The following OPCML variants were observed in gnomAD, a reference collection of about 807,000 sequenced individuals.
The protein encoded by OPCML is opioid-binding protein/cell adhesion molecule.
Under a neutral mutation model 37.8 loss-of-function variants are expected in OPCML, and 13 were observed. That is an observed-to-expected ratio of 0.34 (90% CI 0.22 to 0.55). The LOEUF is 0.55. OPCML is among the 20% of genes least tolerant of loss of function. The probability of loss-of-function intolerance (pLI) is 0.91; values close to 1 mark genes in which losing one functional copy is unlikely to be tolerated. For synonymous variants in OPCML, 176 were observed against 168.8 expected (o/e 1.04, Z -0.33); for missense variants, 341 against 435.6 (o/e 0.78, Z 1.93).
intron 1 of OPCML, among the ~76,000 whole-genome samples, chr11:133,291,289 G>A (rs1172507248): frequency 6.6e-6 from 1 of 152,208 alleles, no homozygotes; most frequent in Non-Finnish European, 1.5e-5. Context: ...TCATGATAAT[G>A]ATCGATGCTT....
intron 1 of OPCML, among the ~76,000 whole-genome samples, chr11:133,350,105 C>A (rs1204790274): frequency 1.3e-5 from 2 of 152,302 alleles, no homozygotes; most frequent in East Asian, 1.9e-4. Context: ...GACTTAATTT[C>A]TTTTTCTCAG....
chr11:132,559,800 C>T (rs1591550987), intron 3 of OPCML, among the ~76,000 whole-genome samples: 1 of 152,158 alleles, frequency 6.6e-6, no homozygotes, highest in East Asian at 1.9e-4. Context: ...CACTCTCGTC[C>T]TTGGCTGCAG....
chr11:133,363,396 G>A (rs144498816), intron 1 of OPCML, among the ~76,000 whole-genome samples: 47 of 152,286 alleles, frequency 3.1e-4, no homozygotes, highest in Non-Finnish European at 5.1e-4. Flanking sequence ...AGTTCCAGAC[G>A]TGACCAAGCC....
intron 1 of OPCML, among the ~76,000 whole-genome samples, chr11:133,050,038 T>A (rs962551059): frequency 1.3e-5 from 2 of 152,242 alleles, no homozygotes. Flanking sequence ...TCTGTGGGCA[T>A]GACTTAACAA....
chr11:133,303,446 C>T (rs1457688779), intron 1 of OPCML, among the ~76,000 whole-genome samples: 2 of 152,214 alleles, frequency 1.3e-5, no homozygotes, highest in Non-Finnish European at 2.9e-5. Context: ...TAGAAGGTTT[C>T]ATGACTGCTA....
rs1281840586 is a variant in OPCML at position 133,100,929 on chromosome 11, T to C, written c.62-157919A>G. ...CAATGTGTTATTTTTATTTTATTTT[T>C]ATTTATTTCTTTTTGAACGGAGTCT... On this transcript the variant is annotated intron_variant, in intron 1 of 7. Coordinates refer to ENST00000524381, the MANE Select transcript of OPCML (RefSeq NM_001012393.5). Among the ~76,000 whole-genome samples, 3 of 152,226 alleles carry C rather than the reference T, an allele frequency of 2.0e-5. No homozygotes were observed. In the East Asian group the frequency reaches 5.8e-4, roughly 29 times the overall value.
chr11:133,236,456 A>G (rs982331681), intron 1 of OPCML, among the ~76,000 whole-genome samples: 3 of 152,152 alleles, frequency 2.0e-5, no homozygotes, highest in African/African-American at 4.8e-5. Context: ...AGAAGGGCCA[A>G]CGACTGCAGT....
intron 1 of OPCML, among the ~76,000 whole-genome samples, chr11:133,166,919 AGT>A (rs1950216045): frequency 6.6e-6 from 1 of 152,176 alleles, no homozygotes; most frequent in South Asian, 2.1e-4. Context: ...CTAGAAGAAA[AGT>A]GTGTGATTAA....
chr11:132,954,724 C>T (rs1214952716), intron 1 of OPCML, among the ~76,000 whole-genome samples: 1 of 152,016 alleles, frequency 6.6e-6, no homozygotes, highest in Non-Finnish European at 1.5e-5. Context: ...GGAGCTGAAG[C>T]CCTGGGTACT....
intron 1 of OPCML, among the ~76,000 whole-genome samples, chr11:133,047,360 G>A (rs536772715): frequency 6.6e-6 from 1 of 152,336 alleles, no homozygotes; most frequent in South Asian, 2.1e-4. Context: ...CTCAGCTGGT[G>A]TAGCCGCGAT....
intron 1 of OPCML, among the ~76,000 whole-genome samples, chr11:133,042,714 C>T (rs1038226898): frequency 5.3e-5 from 8 of 152,160 alleles, no homozygotes; most frequent in Non-Finnish European, 8.8e-5. Flanking sequence ...CAGGGGTAGA[C>T]GCTGGCTGGT....
At chr11:133,339,721 A>G (rs1943821154) in intron 1 of OPCML, among the ~76,000 whole-genome samples, 1 of 152,106 alleles carries the variant, frequency 6.6e-6, no homozygotes, top group Admixed American at 6.6e-5. Context: ...ATAATCACAC[A>G]TCACTGTGTG....
intron 4 of OPCML, among the ~76,000 whole-genome samples, chr11:132,469,721 AGT>A (rs1207824658): frequency 8.3e-5 from 6 of 72,224 alleles, no homozygotes; most frequent in African/African-American, 2.3e-4. Context: ...GAGGGGAGTG[AGT>A]GTGTGTGTAT....
chr11:132,794,444 T>C (rs7942520), intron 2 of OPCML, among the ~76,000 whole-genome samples: 84,177 of 151,978 alleles, frequency 0.55, 23,891 homozygotes, highest in African/African-American at 0.66. Flanking sequence ...AATACCTGGA[T>C]AAATATTTTT....
At chr11:133,342,612 T>C (rs1943898748) in intron 1 of OPCML, among the ~76,000 whole-genome samples, 1 of 152,084 alleles carries the variant, frequency 6.6e-6, no homozygotes, top group African/African-American at 2.4e-5. Flanking sequence ...GGAATATGTG[T>C]GACTAGTGAA....
chr11:132,465,134 C>A (rs928540279), intron 4 of OPCML, among the ~76,000 whole-genome samples: 1 of 152,154 alleles, frequency 6.6e-6, no homozygotes, highest in Non-Finnish European at 1.5e-5. Flanking sequence ...AATGCTCCCC[C>A]TTGTGACAGG....
intron 2 of OPCML, among the ~76,000 whole-genome samples, chr11:132,747,224 C>G (rs546665234): frequency 3.0e-4 from 46 of 152,162 alleles, no homozygotes; most frequent in African/African-American, 1.1e-3. Flanking sequence ...CAGGAAAAAT[C>G]AATACAGGAA....
intron 2 of OPCML, among the ~76,000 whole-genome samples, chr11:132,914,138 G>A (rs1041443227): frequency 4.3e-4 from 66 of 152,192 alleles, no homozygotes; most frequent in African/African-American, 1.5e-3. Context: ...GCAATGTGCT[G>A]ACACACATTC....
At chr11:133,158,448 T>A (rs1340774766) in intron 1 of OPCML, among the ~76,000 whole-genome samples, 2 of 152,146 alleles carry the variant, frequency 1.3e-5, no homozygotes, top group Non-Finnish European at 2.9e-5. Context: ...ACGCCTGTAA[T>A]ACCAGCACTT....
Sources: allele counts gnomAD v4.1 joint callset (sites outside exome capture counted in the v4.1 genomes callset), GRCh38; gene constraint gnomAD v4.1.1; transcripts MANE v1.5; gene names NCBI Gene and HGNC (gene_info 2026-07-23, HGNC 2026-07-21).